The following TRABD2B variants were observed in gnomAD, a reference collection of about 807,000 sequenced individuals.
TRABD2B encodes the protein TraB domain containing 2B, also known as metalloprotease TIKI2.
A neutral mutation model predicts 40.1 loss-of-function variants in TRABD2B; 14 were observed. The ratio of observed to expected loss-of-function variants is 0.35; its 90% CI spans 0.23 to 0.55. TRABD2B has a LOEUF of 0.55. Among genes scored for constraint, TRABD2B ranks in the 20% least tolerant of loss-of-function variants. The pLI, the probability that TRABD2B is intolerant of heterozygous loss-of-function variation, is 0.90. For synonymous variants in TRABD2B, 263 were observed against 277.0 expected (o/e 0.95, Z 0.50); for missense variants, 541 against 648.6 (o/e 0.83, Z 1.80).
At chr1:47,808,551 G>A (rs143907183) in intron 2 of TRABD2B, among the ~76,000 whole-genome samples, 4 of 152,312 alleles carry the variant, frequency 2.6e-5, no homozygotes, top group South Asian at 4.1e-4. Context: ...ACAGTGATGG[G>A]AGACAAAGTT....
In TRABD2B at chr1:47,858,204, C is replaced by CTTTAT. The variant is rs201856478; in HGVS notation, c.667-56590_667-56586dup. The stretch of plus-strand genomic sequence containing the variant: ...CAATAGTCATTCATTCTTTATTTTA[C>CTTTAT]TTTATTTTATTTTATTTTATTTTAT... On this transcript the variant is annotated intron_variant, in intron 2 of 6. Transcript: ENST00000606738. Among the ~76,000 whole-genome samples, 163 of 135,330 alleles carry CTTTAT rather than the reference C, an allele frequency of 1.2e-3. 1 individual carries two copies. Among genetic ancestry groups the CTTTAT allele is most frequent in the Middle Eastern group, 3.7e-3 (1 of 270 alleles). The allele number at this position is 135,330 out of a possible 152,430, so 88.8% of individuals were successfully genotyped here.
At chr1:47,837,844 C>T (rs2066155) in intron 2 of TRABD2B, among the ~76,000 whole-genome samples, 39,254 of 152,178 alleles carry the variant, frequency 0.26, 5,387 homozygotes, top group Non-Finnish European at 0.3. Flanking sequence ...TTAATACTCA[C>T]AGCAACCCTA....
At chr1:47,914,557 T>C (rs1026516111) in intron 2 of TRABD2B, among the ~76,000 whole-genome samples, 4 of 152,190 alleles carry the variant, frequency 2.6e-5, no homozygotes, top group African/African-American at 7.2e-5. Context: ...CAGTGTGCAA[T>C]TGGATAACTG....
chr1:47,792,089 CAGG>C (rs1179953637), intron 4 of TRABD2B, among the ~76,000 whole-genome samples: 2 of 152,178 alleles, frequency 1.3e-5, no homozygotes, highest in African/African-American at 4.8e-5. Context: ...ATGGCTGAGC[CAGG>C]AGAAGTGGCA....
chr1:47,881,205 G>A (rs1445307560), intron 2 of TRABD2B, among the ~76,000 whole-genome samples: 1 of 152,164 alleles, frequency 6.6e-6, no homozygotes, highest in Non-Finnish European at 1.5e-5. Context: ...GCCCGGGAGT[G>A]TGTGTGTAAG....
intron 2 of TRABD2B, among the ~76,000 whole-genome samples, chr1:47,804,999 A>G (rs888157250): frequency 4.6e-5 from 7 of 152,152 alleles, no homozygotes; most frequent in Admixed American, 4.6e-4. Context: ...TGTGGAACCC[A>G]CAGGTACCCT....
Position 47,820,440 on chromosome 1 carries a change from C to T in TRABD2B, c.667-18821G>A, listed in dbSNP as rs751739111. The stretch of plus-strand genomic sequence containing the variant: ...GGGGCCTGTCCAAGGTCACACAGCA[C>T]GAGAACACATGTTTAGACAGACCGT... On this transcript the variant is annotated intron_variant, in intron 2 of 6. Coordinates refer to ENST00000606738, the MANE Select transcript of TRABD2B (RefSeq NM_001194986.2). Among the ~76,000 whole-genome samples the T allele has an allele frequency of 1.6e-3, 247 of 152,242 alleles. 2 individuals carry two copies. The highest frequency in any genetic ancestry group is 3.4e-3 in the Middle Eastern group (1 of 294).
At chr1:47,960,839 T>C (rs2148404142) in intron 2 of TRABD2B, among the ~76,000 whole-genome samples, 1 of 152,232 alleles carries the variant, frequency 6.6e-6, no homozygotes, top group African/African-American at 2.4e-5. Flanking sequence ...AATGACTTTC[T>C]TCACAGAATT....
In TRABD2B at chr1:47,996,587, G is replaced by C; in HGVS notation, c.102+101C>G. ...TGCGCCCGGGGGGTGGAGGTGGAGC[G>C]GGCGGGCTAAGGTGGGTGCGGAAGC... On this transcript the variant is annotated intron_variant, in intron 1 of 6. Coordinates refer to ENST00000606738, the MANE Select transcript of TRABD2B (RefSeq NM_001194986.2). The surrounding 1 kb of genome is among the most constrained non-coding windows in gnomAD (Gnocchi z 4.6). 1.7e-6 allele frequency: 2 copies of C among 1,161,504 alleles called. No homozygotes were observed. Among genetic ancestry groups the C allele is most frequent in the Non-Finnish European group, 2.1e-6 (2 of 937,400 alleles). The allele number at this position is 1,161,504 out of a possible 1,614,324, so 71.9% of individuals were successfully genotyped here.
At position 47,828,545 on chromosome 1, in the gene TRABD2B, A is replaced by C. The variant is rs998198343; in HGVS notation, c.667-26926T>G. Among the ~76,000 whole-genome samples the C allele has an allele frequency of 5.9e-5, 9 of 152,338 alleles. No homozygotes were observed. In the South Asian group the frequency reaches 6.2e-4, roughly 11 times the overall value. On this transcript the variant is annotated intron_variant, in intron 2 of 6. Coordinates refer to ENST00000606738, the MANE Select transcript of TRABD2B (RefSeq NM_001194986.2). The stretch of plus-strand genomic sequence containing the variant: ...CTACGGTTTGTAGAACAAATAATAA[A>C]GGAAAAATACTCAGCAAATGATTCC...
chr1:47,763,293 A>G lies in TRABD2B; in HGVS notation c.*2609T>C, dbSNP rs1002658485. 1.3e-5 allele frequency: 2 copies of G among 152,246 alleles called. No homozygotes were observed. The highest frequency in any genetic ancestry group is 2.4e-5 in the African/African-American group (1 of 41,458). 9.4% of individuals were successfully genotyped at this position (152,246 alleles called of 1,614,324 possible). ...CCTCAGAGATCAGTGAACTTTGGCA[A>G]CAGATGTCTGACCACATTGGCTCTT... On this transcript the variant is annotated 3_prime_UTR_variant, in exon 7 of 7. Transcript: ENST00000606738.
chr1:47,770,887 A>G (rs1644369376), intron 6 of TRABD2B, among the ~76,000 whole-genome samples: 1 of 152,234 alleles, frequency 6.6e-6, no homozygotes. Flanking sequence ...TACCAGCTGC[A>G]ACTGTTACCG....
intron 2 of TRABD2B, among the ~76,000 whole-genome samples, chr1:47,899,290 A>T (rs1644566475): frequency 6.6e-6 from 1 of 152,240 alleles, no homozygotes; most frequent in South Asian, 2.1e-4. Context: ...GACATGGAGA[A>T]GGCCCAGGCC....
intron 2 of TRABD2B, among the ~76,000 whole-genome samples, chr1:47,968,550 G>A (rs1025966411): frequency 1.1e-4 from 16 of 152,066 alleles, no homozygotes; most frequent in African/African-American, 3.1e-4. Context: ...ATGCACATGC[G>A]TGCACACACA....
At chr1:47,897,256 C>T (rs538843473) in intron 2 of TRABD2B, among the ~76,000 whole-genome samples, 6 of 152,106 alleles carry the variant, frequency 3.9e-5, no homozygotes, top group African/African-American at 1.4e-4. Context: ...TTGGCATGTC[C>T]CAGAAACAGC....
chr1:47,874,196 G>A (rs1374457791), intron 2 of TRABD2B, among the ~76,000 whole-genome samples: 7 of 149,012 alleles, frequency 4.7e-5, no homozygotes, highest in African/African-American at 7.4e-5. Flanking sequence ...AGAGATAAAA[G>A]AATTCAATTC....
chr1:47,890,183 T>A (rs1644425185), intron 2 of TRABD2B, among the ~76,000 whole-genome samples: 1 of 152,224 alleles, frequency 6.6e-6, no homozygotes. Context: ...CTAGTAATAA[T>A]AATATCAGTA....
chr1:47,884,818 G>T (rs965952913), intron 2 of TRABD2B, among the ~76,000 whole-genome samples: 17 of 152,142 alleles, frequency 1.1e-4, no homozygotes, highest in African/African-American at 4.1e-4. Flanking sequence ...GTTTCACCAT[G>T]TTGGCCAGGC....
intron 2 of TRABD2B, among the ~76,000 whole-genome samples, chr1:47,937,886 G>A (rs1645135005): frequency 6.6e-6 from 1 of 152,178 alleles, no homozygotes; most frequent in Non-Finnish European, 1.5e-5. Context: ...CAGACTCAGT[G>A]AAGGATTGAA....
Sources: allele counts gnomAD v4.1 joint callset (sites outside exome capture counted in the v4.1 genomes callset), GRCh38; gene constraint gnomAD v4.1.1; non-coding constraint Gnocchi (gnomAD v3.1); transcripts MANE v1.5; gene names NCBI Gene and HGNC (gene_info 2026-07-23, HGNC 2026-07-21).